Variants in CNTNAP2 observed in about 807,000 individuals in gnomAD.
The protein encoded by CNTNAP2 is contactin associated protein 2, also known as contactin-associated protein-like 2.
A neutral mutation model predicts 155.2 loss-of-function variants in CNTNAP2; 98 were observed. The observed-to-expected ratio is 0.63, with a 90% confidence interval of 0.54 to 0.75. The LOEUF (loss-of-function observed/expected upper bound fraction) is 0.75. Among genes scored for constraint, CNTNAP2 ranks in the 30% least tolerant of loss-of-function variants. The pLI, the probability that CNTNAP2 is intolerant of heterozygous loss-of-function variation, is 0.00. For synonymous variants in CNTNAP2, 651 were observed against 631.2 expected, an observed-to-expected ratio of 1.03 and a Z score of -0.47; for missense variants, 1,727 against 1,688.1, an observed-to-expected ratio of 1.02 and a Z score of -0.40.
At chr7:146,622,299 G>A (rs540947863) in intron 1 of CNTNAP2, among the ~76,000 whole-genome samples, 2 of 143,328 alleles carry the variant, frequency 1.4e-5, no homozygotes, top group South Asian at 2.2e-4. Context: ...ATATGTTTTA[G>A]CTTGTATATT....
At chr7:147,233,813 TA>T (rs1170527369) in intron 8 of CNTNAP2, among the ~76,000 whole-genome samples, 27 of 152,080 alleles carry the variant, frequency 1.8e-4, no homozygotes, top group African/African-American at 6.5e-4. Context: ...ATATATAATT[TA>T]AAATAATTTT....
At chr7:147,852,165 A>C (rs116425899) in intron 13 of CNTNAP2, among the ~76,000 whole-genome samples, 1 of 152,178 alleles carries the variant, frequency 6.6e-6, no homozygotes, top group East Asian at 1.9e-4. Flanking sequence ...ACACTTTACA[A>C]CATGAATTCA....
intron 1 of CNTNAP2, among the ~76,000 whole-genome samples, chr7:146,554,396 C>T (rs920782263): frequency 1.3e-5 from 2 of 152,224 alleles, no homozygotes; most frequent in South Asian, 4.1e-4. Flanking sequence ...TAATTAAAAC[C>T]CATATCAACA....
At chr7:146,265,457 CTT>C (rs796634792) in intron 1 of CNTNAP2, among the ~76,000 whole-genome samples, 3 of 135,580 alleles carry the variant, frequency 2.2e-5, no homozygotes, top group Non-Finnish European at 1.6e-5. Context: ...TTCTTTCTTT[CTT>C]TTTTTTTTTT....
At chr7:146,890,099 A>G (rs952266060) in intron 3 of CNTNAP2, among the ~76,000 whole-genome samples, 20 of 152,126 alleles carry the variant, frequency 1.3e-4, no homozygotes, top group African/African-American at 4.3e-4. Flanking sequence ...CCAAATTTCC[A>G]ACTTTCATTG....
At chr7:147,984,792 G>A (rs767299734) in intron 15 of CNTNAP2, among the ~76,000 whole-genome samples, 3 of 152,052 alleles carry the variant, frequency 2.0e-5, no homozygotes, top group Non-Finnish European at 2.9e-5. Context: ...GAGCAGGGGA[G>A]GAGAGGAACT....
chr7:146,503,042 A>G (rs879444612), intron 1 of CNTNAP2, among the ~76,000 whole-genome samples: 3 of 152,146 alleles, frequency 2.0e-5, no homozygotes, highest in Non-Finnish European at 2.9e-5. Context: ...TCATTTTAAA[A>G]TCGGAGTTTT....
intron 13 of CNTNAP2, among the ~76,000 whole-genome samples, chr7:147,801,980 G>C (rs1255779386): frequency 2.6e-5 from 4 of 151,412 alleles, no homozygotes; most frequent in Admixed American, 2.6e-4. Flanking sequence ...CCTCCCGGAC[G>C]GGGTGGCTGC....
Position 146,930,475 on chromosome 7 carries a change from T to A in CNTNAP2, c.402+90571T>A, listed in dbSNP as rs561264266. Among the ~76,000 whole-genome samples the A allele has an allele frequency of 7.2e-5, 11 of 152,274 alleles. 1 individual carries two copies. In the South Asian group the frequency reaches 2.3e-3, roughly 32 times the overall value. ...GAAAGGAACAACTGGTACCAGCCAC[T>A]GCAAAATCATACCAAATTGTAAAGA... On this transcript the variant is annotated intron_variant, in intron 3 of 23. Coordinates refer to ENST00000361727, the MANE Select transcript of CNTNAP2 (RefSeq NM_014141.6).
At chr7:147,740,131 C>T (rs1796931003) in intron 13 of CNTNAP2, among the ~76,000 whole-genome samples, 1 of 152,166 alleles carries the variant, frequency 6.6e-6, no homozygotes, top group African/African-American at 2.4e-5. Flanking sequence ...ACTTGTGGGT[C>T]AGAGAAATAC....
intron 13 of CNTNAP2, among the ~76,000 whole-genome samples, chr7:147,834,894 C>T (rs935220910): frequency 1.3e-5 from 2 of 152,124 alleles, no homozygotes; most frequent in Non-Finnish European, 2.9e-5. Flanking sequence ...TGGGGTTTAT[C>T]TTAAACTGTA....
At chr7:146,794,471 C>T (rs1244116456) in intron 2 of CNTNAP2, among the ~76,000 whole-genome samples, 1 of 152,112 alleles carries the variant, frequency 6.6e-6, no homozygotes, top group East Asian at 1.9e-4. Flanking sequence ...AATTATTTCT[C>T]TACTGAAACA....
At chr7:148,313,419 T>G (rs1000976958) in intron 21 of CNTNAP2, among the ~76,000 whole-genome samples, 3 of 151,850 alleles carry the variant, frequency 2.0e-5, no homozygotes, top group African/African-American at 7.3e-5. Flanking sequence ...ACAGTCCGAT[T>G]TTCAGTGGGG....
chr7:148,340,972 G>A, intron 21 of CNTNAP2, among the ~76,000 whole-genome samples: 1 of 152,220 alleles, frequency 6.6e-6, no homozygotes, highest in East Asian at 1.9e-4. Flanking sequence ...CAAACGGGAG[G>A]TCTAGACAGC....
intron 14 of CNTNAP2, among the ~76,000 whole-genome samples, chr7:147,946,810 C>A (rs1800827726): frequency 6.6e-6 from 1 of 151,996 alleles, no homozygotes; most frequent in Non-Finnish European, 1.5e-5. Flanking sequence ...CCTTCACCCT[C>A]TAAAGGTTAG....
intron 12 of CNTNAP2, among the ~76,000 whole-genome samples, chr7:147,570,095 C>T (rs762432595): frequency 9.2e-5 from 14 of 152,166 alleles, no homozygotes; most frequent in Non-Finnish European, 1.8e-4. Flanking sequence ...CTGACTTGGT[C>T]GTCACTCAGG....
At chr7:146,402,776 CT>C (rs1311688900) in intron 1 of CNTNAP2, among the ~76,000 whole-genome samples, 1 of 152,030 alleles carries the variant, frequency 6.6e-6, no homozygotes, top group African/African-American at 2.4e-5. Context: ...AAAAGTTTTA[CT>C]TAAAACTTTG....
intron 10 of CNTNAP2, among the ~76,000 whole-genome samples, chr7:147,479,568 G>T (rs1349578218): frequency 1.3e-5 from 2 of 152,126 alleles, no homozygotes; most frequent in Admixed American, 6.6e-5. Flanking sequence ...AAAACAGTGA[G>T]AAATATATTG....
chr7:147,159,927 A>G (rs1205570273), intron 8 of CNTNAP2, among the ~76,000 whole-genome samples: 1 of 149,758 alleles, frequency 6.7e-6, no homozygotes, highest in African/African-American at 2.5e-5. Flanking sequence ...TTTATATGAT[A>G]TGAATCAAAG....
Sources: gnomAD v4.1 joint callset for allele counts (sites outside exome capture counted in the v4.1 genomes callset) on GRCh38, gnomAD v4.1.1 for gene constraint, MANE v1.5 for transcripts, NCBI Gene and HGNC (gene_info 2026-07-23, HGNC 2026-07-21) for gene names.